Variants in CDC42BPB observed in about 807,000 individuals in gnomAD.
CDC42BPB encodes CDC42 binding protein kinase beta, also known as serine/threonine-protein kinase MRCK beta.
CDC42BPB carries 37 observed loss-of-function variants against 214.9 expected under a neutral mutation model. The observed-to-expected ratio is 0.17, with a 90% CI of 0.13 to 0.23. The LOEUF is 0.23. Among genes scored for constraint, CDC42BPB ranks in the 10% least tolerant of loss-of-function variants. CDC42BPB has a pLI of 1.00. For synonymous variants in CDC42BPB, 931 were observed against 884.0 expected, an observed-to-expected ratio of 1.05 and a Z score of -0.94; for missense variants, 1,694 against 2,227.0, an observed-to-expected ratio of 0.76 and a Z score of 4.82.
chr14:102,952,658 A>C, intron 23 of CDC42BPB, 55 bp from the exon 24 acceptor site: 3 of 1,580,122 alleles, frequency 1.9e-6, no homozygotes, highest in Non-Finnish European at 2.6e-6. Flanking sequence ...TGAGAGTCAG[A>C]TCCATCTGCC....
At chr14:103,008,817 G>A (rs573627286) in intron 2 of CDC42BPB, 12 of 267,786 alleles carry the variant, frequency 4.5e-5, no homozygotes, top group African/African-American at 2.5e-4. Context: ...ACTACAGGAG[G>A]TTAATGGCAG....
intron 6 of CDC42BPB, 33 bp from the exon 7 acceptor site, chr14:102,983,789 T>C (rs753259858): frequency 5.0e-6 from 8 of 1,597,792 alleles, no homozygotes; most frequent in South Asian, 2.2e-5. Flanking sequence ...AAGGAAACCC[T>C]AGGGCATCTC....
At chr14:103,055,785 T>C (rs1376025500) in intron 1 of CDC42BPB, among the ~76,000 whole-genome samples, 2 of 150,270 alleles carry the variant, frequency 1.3e-5, no homozygotes, top group South Asian at 2.1e-4. Context: ...TCTGGCAGAG[T>C]AGAGTAGGAG....
chr14:102,935,625 A>G (rs1241809226), intron 36 of CDC42BPB, among the ~76,000 whole-genome samples: 1 of 152,130 alleles, frequency 6.6e-6, no homozygotes, highest in African/African-American at 2.4e-5. Context: ...CCCCGCCTCT[A>G]CTAAAAATAC....
At chr14:102,955,846 T>C (rs931649740) in intron 21 of CDC42BPB, among the ~76,000 whole-genome samples, 1 of 152,184 alleles carries the variant, frequency 6.6e-6, no homozygotes, top group African/African-American at 2.4e-5. Context: ...AGAATCCCAA[T>C]GAACCAAATC....
intron 7 of CDC42BPB, among the ~76,000 whole-genome samples, chr14:102,982,268 TTTTGC>T (rs1294693658): frequency 1.3e-5 from 2 of 152,226 alleles, no homozygotes; most frequent in East Asian, 1.9e-4. Flanking sequence ...AAACTGTAAC[TTTTGC>T]TTTGCTTTGG....
chr14:103,030,577 T>C (rs1887313239), intron 1 of CDC42BPB, among the ~76,000 whole-genome samples: 2 of 152,242 alleles, frequency 1.3e-5, no homozygotes, highest in South Asian at 4.1e-4. Context: ...ACGCCTGTAG[T>C]CCCAGCTACT....
At chr14:103,041,575 G>T in intron 1 of CDC42BPB, 8 of 1,150,080 alleles carry the variant, frequency 7.0e-6, no homozygotes, top group Non-Finnish European at 1.0e-5. Context: ...CAGATGCAAG[G>T]CCGGGCAAGC....
intron 1 of CDC42BPB, among the ~76,000 whole-genome samples, chr14:103,056,075 G>A (rs943536315): frequency 3.3e-5 from 5 of 152,132 alleles, no homozygotes; most frequent in Admixed American, 1.3e-4. Context: ...CCTGTCTTTA[G>A]GATCCTAATT....
chr14:103,054,127 G>C (rs1346355878), intron 1 of CDC42BPB, among the ~76,000 whole-genome samples: 2 of 152,158 alleles, frequency 1.3e-5, no homozygotes, highest in African/African-American at 2.4e-5. Context: ...GCCTCCCAAA[G>C]TGCTGGGATT....
rs568653195 is a variant in CDC42BPB, at chr14:103,052,427, C to T, written c.175+4572G>A. Among the ~76,000 whole-genome samples, 21 of 152,310 alleles carry T rather than the reference C, an allele frequency of 1.4e-4. No homozygotes were observed. The East Asian group carries it at 2.9e-3, about 21-fold the overall frequency. The stretch of plus-strand genomic sequence containing the variant: ...TATTTGAGCCGGGCACAGTGGCTCA[C>T]GCCTGTAATCCCAGCACTTTTTATT... On this transcript the variant is annotated intron_variant, in intron 1 of 36. Coordinates refer to ENST00000361246, the MANE Select transcript of CDC42BPB (RefSeq NM_006035.4).
intron 5 of CDC42BPB, among the ~76,000 whole-genome samples, chr14:102,994,935 C>T (rs1894658179): frequency 1.3e-5 from 2 of 152,316 alleles, no homozygotes; most frequent in African/African-American, 2.4e-5. Flanking sequence ...TGGGGTGTGG[C>T]TCCAGAGCCA....
At chr14:102,934,687 AC>A (rs1033741728) in intron 36 of CDC42BPB, among the ~76,000 whole-genome samples, 1 of 151,950 alleles carries the variant, frequency 6.6e-6, no homozygotes, top group Non-Finnish European at 1.5e-5. Flanking sequence ...AGCTAACCAT[AC>A]CCAATGGTGA....
rs114310432 is a variant in CDC42BPB at position 103,051,780 on chromosome 14, T to C, written c.175+5219A>G. 9.4e-3 allele frequency among the ~76,000 whole-genome samples: 1,438 copies of C among 152,356 alleles called. 22 individuals are homozygous for C. Among genetic ancestry groups the C allele is most frequent in the African/African-American group, 0.032 (1,345 of 41,578 alleles). The stretch of plus-strand genomic sequence containing the variant: ...TTCTTCAAATCCAATTTTATTTCTT[T>C]GAAGTCTAGATTTAAGAGAGACACT... On this transcript the variant is annotated intron_variant, in intron 1 of 36. Transcript: ENST00000361246.
Position 102,954,217 on chromosome 14 carries a change from A to C in CDC42BPB, c.3047T>G (p.Leu1016Arg). 1 of 1,548,926 alleles carries C rather than the reference A, an allele frequency of 6.5e-7. No homozygotes were observed. The highest frequency in any genetic ancestry group is 8.7e-7 in the Non-Finnish European group (1 of 1,146,450). The stretch of plus-strand genomic sequence containing the variant: ...CCCTACCTTCGGTCCAGCCAGAGCC[A>C]GGGCCTGCGTGGTGGGCAACGGCAC... ...SAVPLPTTQA[L>R]ALAGPKPKAH... The change falls in exon 23 of 37, where the codon CTG (leucine) becomes CGG (arginine). Residue 1016 changes from leucine to arginine, a missense_variant. Transcript: ENST00000361246.
At position 102,980,869 on chromosome 14, in the gene CDC42BPB, T is replaced by C. The variant is rs760291091; in HGVS notation, c.1044A>G (p.Glu348=). The C allele has an allele frequency of 8.7e-6, 14 of 1,614,212 alleles. No individual in the cohort carries two copies. The Admixed American group carries it at 2.3e-4, about 27-fold the overall frequency. ...AAGGTGCTTCTAGGTTTCGTATATT[T>C]TCCCAATTTAGACCTTCAAAAAACG... ...KHAFFEGLNW[E]NIRNLEAPYI... Residue 348 remains glutamate, a synonymous_variant, in exon 8 of 37, where the codon GAA becomes GAG. Transcript: ENST00000361246.
chr14:103,026,183 G>C (rs1887042401), intron 1 of CDC42BPB, among the ~76,000 whole-genome samples: 1 of 152,030 alleles, frequency 6.6e-6, no homozygotes, highest in African/African-American at 2.4e-5. Flanking sequence ...GGATCATGAG[G>C]TCAAAAGATC....
intron 36 of CDC42BPB, chr14:102,937,014 A>G (rs1368752824): frequency 6.6e-6 from 1 of 152,208 alleles, no homozygotes; most frequent in Non-Finnish European, 1.5e-5. Flanking sequence ...CCTCTATATT[A>G]TTATGAAAAT....
intron 16 of CDC42BPB, among the ~76,000 whole-genome samples, chr14:102,967,631 T>TA (rs1893273070): frequency 6.6e-6 from 1 of 152,250 alleles, no homozygotes; most frequent in South Asian, 2.1e-4. Context: ...CATACCATGT[T>TA]GCTGTGCGGG....
Sources: gnomAD v4.1 joint callset for allele counts (sites outside exome capture counted in the v4.1 genomes callset) on GRCh38, gnomAD v4.1.1 for gene constraint, MANE v1.5 for transcripts, NCBI Gene and HGNC (gene_info 2026-07-23, HGNC 2026-07-21) for gene names.